SH3PXD2A: variants seen among roughly 807,000 people sequenced by gnomAD.
The protein encoded by SH3PXD2A is SH3 and PX domains 2A.
Under a neutral mutation model 115.2 loss-of-function variants are expected in SH3PXD2A, and 32 were observed. The ratio of observed to expected loss-of-function variants is 0.28; its 90% CI spans 0.21 to 0.37. The LOEUF is 0.37. Ranked by LOEUF, SH3PXD2A falls within the 10% of genes least tolerant of loss-of-function variation. The pLI is 1.00. For synonymous variants in SH3PXD2A, 610 were observed against 629.1 expected, an observed-to-expected ratio of 0.97 and a Z score of 0.45; for missense variants, 1,328 against 1,498.7, an observed-to-expected ratio of 0.89 and a Z score of 1.88.
rs74360929 is a variant in SH3PXD2A, at chr10:103,651,195, C to A, written c.604+9788G>T. 2.9e-3 allele frequency among the ~76,000 whole-genome samples: 445 copies of A among 152,266 alleles called. 3 individuals carry two copies. Among genetic ancestry groups the A allele is most frequent in the African/African-American group, 0.01 (431 of 41,542 alleles). ...GCTGGAGTGCTGACCAGCCTCCCGG[C>A]AGCTGGGTCCCCACAGCTACACACC... is the stretch of plus-strand genomic sequence containing the variant. On this transcript the variant is annotated intron_variant, in intron 8 of 14. Transcript: ENST00000369774.
intron 2 of SH3PXD2A, among the ~76,000 whole-genome samples, chr10:103,768,130 G>T (rs1458461899): frequency 6.6e-6 from 1 of 152,190 alleles, no homozygotes; most frequent in East Asian, 1.9e-4. Flanking sequence ...GGGCACTAAG[G>T]AAAGGGCAGT....
chr10:103,792,960 C>G (rs911266332), intron 2 of SH3PXD2A, among the ~76,000 whole-genome samples: 1 of 152,108 alleles, frequency 6.6e-6, no homozygotes, highest in Non-Finnish European at 1.5e-5. Flanking sequence ...TAATGAGTTT[C>G]ATGTCCTCCT....
chr10:103,806,827 G>A (rs573013214), intron 1 of SH3PXD2A, among the ~76,000 whole-genome samples: 2 of 152,312 alleles, frequency 1.3e-5, no homozygotes, highest in Non-Finnish European at 2.9e-5. Flanking sequence ...CCCTGGGTCA[G>A]TCCAGACTGA....
chr10:103,603,449 T>A lies in SH3PXD2A; in HGVS notation c.1769A>T (p.His590Leu). Residue 590 changes from histidine to leucine, a missense_variant, in exon 15 of 15, where the codon CAC becomes CTC. His to Leu is a moderately conservative substitution (Grantham distance 99, BLOSUM62 -3). Transcript: ENST00000369774. ...ASGERRPAQP[H>L]RPSPASSLQR... ...CAGAGAAGAGGCCGGCGAGGGCCGGTGGGGCTGGGCAGGCCGCCTCTCCCC... is the reference window on the plus strand; with the variant it reads ...CAGAGAAGAGGCCGGCGAGGGCCGGAGGGGCTGGGCAGGCCGCCTCTCCCC... 6.2e-7 allele frequency: 1 copy of A among 1,613,060 alleles called. No homozygotes were observed. The highest frequency in any genetic ancestry group is 8.5e-7 in the Non-Finnish European group (1 of 1,179,522).
At chr10:103,783,132 G>A (rs976789612) in intron 2 of SH3PXD2A, among the ~76,000 whole-genome samples, 1 of 152,238 alleles carries the variant, frequency 6.6e-6, no homozygotes, top group Non-Finnish European at 1.5e-5. Flanking sequence ...ACAAGTGACA[G>A]GAGGGTGACA....
At position 103,750,627 on chromosome 10, in the gene SH3PXD2A, T is replaced by C. The variant is rs79220228; in HGVS notation, c.230-14819A>G. The stretch of plus-strand genomic sequence containing the variant: ...GCTGAGAATTACTGACAGAATCTAA[T>C]ACCTTCCAGACCTGGGGAGGCTCAG... On this transcript the variant is annotated intron_variant, in intron 3 of 14. Transcript: ENST00000369774. Among the ~76,000 whole-genome samples, 146 of 152,280 alleles carry C rather than the reference T, an allele frequency of 9.6e-4. 3 individuals are homozygous for C. The East Asian group carries it at 0.021, about 22-fold the overall frequency.
intron 3 of SH3PXD2A, among the ~76,000 whole-genome samples, chr10:103,745,123 T>C (rs2038486770): frequency 1.3e-5 from 2 of 152,196 alleles, no homozygotes; most frequent in South Asian, 4.1e-4. Context: ...AGCTGCTAAC[T>C]CATAAATGCC....
intron 4 of SH3PXD2A, among the ~76,000 whole-genome samples, chr10:103,731,886 T>C (rs2038324108): frequency 6.6e-6 from 1 of 152,156 alleles, no homozygotes; most frequent in Non-Finnish European, 1.5e-5. Context: ...AGGGGATCCT[T>C]ACCCTTCAGT....
intron 10 of SH3PXD2A, among the ~76,000 whole-genome samples, chr10:103,621,516 A>ACAGT (rs1491020401): frequency 6.6e-6 from 1 of 152,094 alleles, no homozygotes; most frequent in Non-Finnish European, 1.5e-5. Flanking sequence ...ACATGCTCTT[A>ACAGT]CAGTCATTTA....
chr10:103,736,649 G>T, intron 3 of SH3PXD2A: 1 of 684,362 alleles, frequency 1.5e-6, no homozygotes, highest in Non-Finnish European at 2.3e-6. Context: ...TGAGCTGGGA[G>T]TAATGTCCCT....
intron 3 of SH3PXD2A, chr10:103,755,237 C>A (rs1476823657): frequency 6.6e-6 from 1 of 152,146 alleles, no homozygotes; most frequent in Non-Finnish European, 1.5e-5. Context: ...TTGTTAGGGA[C>A]CTGATACTAA....
chr10:103,791,776 G>C (rs1000565839), intron 2 of SH3PXD2A, among the ~76,000 whole-genome samples: 1 of 151,998 alleles, frequency 6.6e-6, no homozygotes, highest in Admixed American at 6.6e-5. Flanking sequence ...AACTGCACGA[G>C]AAGTTGCAAA....
intron 11 of SH3PXD2A, among the ~76,000 whole-genome samples, chr10:103,614,160 T>G (rs2036472881): frequency 6.7e-6 from 1 of 150,232 alleles, no homozygotes; most frequent in Non-Finnish European, 1.5e-5. Flanking sequence ...GAGGCTGAGG[T>G]GGGAGGATTG....
intron 9 of SH3PXD2A, among the ~76,000 whole-genome samples, chr10:103,626,073 G>A (rs769575223): frequency 4.6e-5 from 7 of 152,238 alleles, no homozygotes; most frequent in Admixed American, 1.3e-4. Context: ...CTGAACATGC[G>A]GGCCCTTCCC....
intron 6 of SH3PXD2A, among the ~76,000 whole-genome samples, chr10:103,692,417 C>T (rs1054316948): frequency 6.6e-6 from 1 of 152,152 alleles, no homozygotes; most frequent in Non-Finnish European, 1.5e-5. Context: ...TCGGGTCGGC[C>T]CCCTCCCAAG....
intron 8 of SH3PXD2A, among the ~76,000 whole-genome samples, chr10:103,655,195 G>A (rs753556042): frequency 1.3e-5 from 2 of 152,196 alleles, no homozygotes; most frequent in Admixed American, 6.5e-5. Context: ...ACAGGACCTC[G>A]TGGGGCCAGG....
At chr10:103,747,778 A>G (rs1034726504) in intron 3 of SH3PXD2A, among the ~76,000 whole-genome samples, 14 of 152,090 alleles carry the variant, frequency 9.2e-5, no homozygotes, top group Admixed American at 6.5e-4. Context: ...TGGGATGGAC[A>G]CTGTCCACCA....
intron 8 of SH3PXD2A, among the ~76,000 whole-genome samples, chr10:103,637,772 T>A (rs552495113): frequency 7.9e-5 from 12 of 152,186 alleles, no homozygotes; most frequent in African/African-American, 2.9e-4. Flanking sequence ...GCTGAGGGCA[T>A]CCTGGCCAGG....
Position 103,603,805 on chromosome 10 carries a change from A to G in SH3PXD2A, c.1429-16T>C, listed in dbSNP as rs1164463696. 2 of 1,565,840 alleles carry G rather than the reference A, an allele frequency of 1.3e-6. No homozygotes were observed. The highest frequency in any genetic ancestry group is 1.2e-5 in the South Asian group (1 of 85,082). ...TATCAATGACCTGGGGTACGAGTGC[A>G]GACAAGCCAGTGAGTTGGGAGGATC... On this transcript the variant is annotated splice_polypyrimidine_tract_variant and intron_variant, in intron 14 of 14. Coordinates refer to ENST00000369774, the MANE Select transcript of SH3PXD2A (RefSeq NM_001394015.1).
Sources: gnomAD v4.1 joint callset for allele counts (sites outside exome capture counted in the v4.1 genomes callset) on GRCh38, gnomAD v4.1.1 for gene constraint, MANE v1.5 for transcripts, NCBI Gene and HGNC (gene_info 2026-07-23, HGNC 2026-07-21) for gene names.